The following SUPT3H variants were observed in gnomAD, a reference collection of about 807,000 sequenced individuals.
The protein encoded by SUPT3H is SPT3 homolog, SAGA and STAGA complex component, also known as transcription initiation protein SPT3 homolog.
SUPT3H carries 44 observed loss-of-function variants against 44.3 expected under a neutral mutation model. That is an observed-to-expected ratio of 0.99 (90% CI 0.78 to 1.28). SUPT3H has a LOEUF of 1.28. Ranked by LOEUF, SUPT3H falls within the 50% of genes most tolerant of loss-of-function variation. The pLI is 0.00. For synonymous variants in SUPT3H, 124 were observed against 125.6 expected (o/e 0.99, Z 0.09); for missense variants, 380 against 387.1 (o/e 0.98, Z 0.15).
intron 2 of SUPT3H, among the ~76,000 whole-genome samples, chr6:45,314,300 C>A (rs893465981): frequency 6.6e-6 from 1 of 151,980 alleles, no homozygotes; most frequent in South Asian, 2.1e-4. Flanking sequence ...CAGAACAATC[C>A]GACAAGAGAA....
intron 2 of SUPT3H, among the ~76,000 whole-genome samples, chr6:45,218,538 T>C (rs1158328245): frequency 6.6e-6 from 1 of 152,204 alleles, no homozygotes; most frequent in African/African-American, 2.4e-5. Flanking sequence ...GAGACCAGCC[T>C]GACCAACATG....
chr6:45,369,562 TCTC>T (rs534196694), intron 1 of SUPT3H, among the ~76,000 whole-genome samples: 175 of 152,168 alleles, frequency 1.2e-3, no homozygotes, highest in African/African-American at 4.0e-3. Context: ...TTCCCTCCAC[TCTC>T]CTCCACCAAA....
At chr6:44,870,531 C>T (rs114477673) in intron 10 of SUPT3H, among the ~76,000 whole-genome samples, 4,021 of 146,704 alleles carry the variant, frequency 0.027, 103 homozygotes, top group South Asian at 0.12. Context: ...CCCAGGAGGT[C>T]GAGGCTGCAG....
chr6:45,340,847 T>C (rs1789637404), intron 2 of SUPT3H, among the ~76,000 whole-genome samples: 1 of 152,096 alleles, frequency 6.6e-6, no homozygotes, highest in Admixed American at 6.5e-5. Context: ...ATCATAGGCT[T>C]TGGTGTCAGA....
chr6:44,894,159 C>T lies in SUPT3H; in HGVS notation c.912+38494G>A, dbSNP rs538282464. ...ATGAGTAGGTTGCGAAAATTTTCTC[C>T]CATGTTGTAGGTTGCCTGTTCACTC... is the stretch of plus-strand genomic sequence containing the variant. On this transcript the variant is annotated intron_variant, in intron 10 of 10. Transcript: ENST00000371459. Among the ~76,000 whole-genome samples, 410 of 129,476 alleles carry T rather than the reference C, an allele frequency of 3.2e-3. 3 individuals carry two copies. Among genetic ancestry groups the T allele is most frequent in the Non-Finnish European group, 4.1e-3 (246 of 59,402 alleles). The allele number at this position is 129,476 out of a possible 152,430, so 84.9% of individuals were successfully genotyped here.
At chr6:44,989,749 T>C (rs1780340712) in intron 6 of SUPT3H, among the ~76,000 whole-genome samples, 1 of 152,130 alleles carries the variant, frequency 6.6e-6, no homozygotes, top group South Asian at 2.1e-4. Context: ...CCCTGATGAT[T>C]AGTACTGTTA....
chr6:45,258,061 C>T (rs1365355031), intron 2 of SUPT3H, among the ~76,000 whole-genome samples: 1 of 152,148 alleles, frequency 6.6e-6, no homozygotes, highest in East Asian at 1.9e-4. Flanking sequence ...ATGTTAACAT[C>T]GTTCTTGAAT....
At chr6:45,331,644 G>A (rs577123715) in intron 2 of SUPT3H, among the ~76,000 whole-genome samples, 1 of 151,918 alleles carries the variant, frequency 6.6e-6, no homozygotes, top group South Asian at 2.1e-4. Context: ...AACTGTTAAA[G>A]ATTTTTAGTT....
At chr6:45,219,184 T>C (rs538909603) in intron 2 of SUPT3H, among the ~76,000 whole-genome samples, 108 of 152,018 alleles carry the variant, frequency 7.1e-4, no homozygotes, top group African/African-American at 2.4e-3. Flanking sequence ...AGTTCTTATC[T>C]CAAGAAAGTA....
chr6:44,855,458 T>G (rs1430535812), intron 10 of SUPT3H, among the ~76,000 whole-genome samples: 1 of 152,166 alleles, frequency 6.6e-6, no homozygotes, highest in African/African-American at 2.4e-5. Context: ...AATGAAACTG[T>G]CATCTTTATT....
At chr6:45,272,710 C>T (rs147793943) in intron 2 of SUPT3H, among the ~76,000 whole-genome samples, 181 of 152,274 alleles carry the variant, frequency 1.2e-3, no homozygotes, top group Middle Eastern at 3.4e-3. Context: ...ACAGGAGTAC[C>T]GTCCTGGTGG....
chr6:45,023,733 G>A (rs1254929389), intron 3 of SUPT3H, among the ~76,000 whole-genome samples: 1 of 10,272 alleles, frequency 9.7e-5, no homozygotes, highest in African/African-American at 1.4e-3. Context: ...ACACAAAAAA[G>A]GAAACATAGA....
chr6:44,911,539 T>C (rs1249245251), intron 10 of SUPT3H, among the ~76,000 whole-genome samples: 12 of 152,220 alleles, frequency 7.9e-5, no homozygotes, highest in Admixed American at 7.9e-4. Flanking sequence ...ATGATGGTCT[T>C]GCCCTTCAGA....
intron 3 of SUPT3H, among the ~76,000 whole-genome samples, chr6:45,104,591 G>T (rs1799024310): frequency 1.3e-5 from 2 of 151,920 alleles, no homozygotes; most frequent in African/African-American, 4.8e-5. Context: ...AAACGGAGTT[G>T]GCTCATCTTG....
intron 2 of SUPT3H, among the ~76,000 whole-genome samples, chr6:45,132,140 C>A (rs1362898046): frequency 6.6e-6 from 1 of 152,126 alleles, no homozygotes; most frequent in East Asian, 1.9e-4. Flanking sequence ...ACTGAAACTG[C>A]AGAAAGCTAA....
chr6:45,319,919 CTTA>C (rs925346765), intron 2 of SUPT3H, among the ~76,000 whole-genome samples: 2 of 152,046 alleles, frequency 1.3e-5, no homozygotes, highest in African/African-American at 2.4e-5. Flanking sequence ...ATCTTAACAT[CTTA>C]TTAGTAATAA....
chr6:44,918,984 T>C (rs774184886), intron 10 of SUPT3H, among the ~76,000 whole-genome samples: 18 of 152,112 alleles, frequency 1.2e-4, no homozygotes, highest in Non-Finnish European at 2.2e-4. Context: ...CTTATTGAGG[T>C]GGAATGATTG....
chr6:45,026,480 A>G (rs968407385), intron 3 of SUPT3H, among the ~76,000 whole-genome samples: 1 of 152,114 alleles, frequency 6.6e-6, no homozygotes, highest in Non-Finnish European at 1.5e-5. Flanking sequence ...TTGTGTCCCT[A>G]ATTTGTGCCA....
At chr6:45,026,409 A>T (rs1242666558) in intron 3 of SUPT3H, among the ~76,000 whole-genome samples, 1 of 124,770 alleles carries the variant, frequency 8.0e-6, no homozygotes, top group Non-Finnish European at 1.6e-5. Flanking sequence ...TGAAATGGGT[A>T]ATCAATGACT....
Sources: gnomAD v4.1 joint callset for allele counts (sites outside exome capture counted in the v4.1 genomes callset) on GRCh38, gnomAD v4.1.1 for gene constraint, MANE v1.5 for transcripts, NCBI Gene and HGNC (gene_info 2026-07-23, HGNC 2026-07-21) for gene names.